The following PRR16 variants were observed in gnomAD, a reference collection of about 807,000 sequenced individuals.
The protein encoded by PRR16 is protein Largen.
PRR16 carries 6 observed loss-of-function variants against 18.2 expected under a neutral mutation model. The ratio of observed to expected loss-of-function variants is 0.33; its 90% CI spans 0.18 to 0.65. The LOEUF is 0.65. Ranked by LOEUF, PRR16 falls within the 30% of genes least tolerant of loss-of-function variation. The pLI, the probability that PRR16 is intolerant of heterozygous loss-of-function variation, is 0.74. For missense variants in PRR16, 412 were observed against 376.6 expected (o/e 1.09, Z -0.78); for synonymous variants, 151 against 147.8 (o/e 1.02, Z -0.16).
chr5:120,475,341 A>G (rs577161550), intron 1 of PRR16, among the ~76,000 whole-genome samples: 3 of 152,014 alleles, frequency 2.0e-5, no homozygotes, highest in African/African-American at 4.8e-5. Context: ...TTCATCCTCT[A>G]CCTTCTTTAA....
chr5:120,676,175 A>G (rs1756788735), intron 1 of PRR16, among the ~76,000 whole-genome samples: 1 of 152,124 alleles, frequency 6.6e-6, no homozygotes, highest in Non-Finnish European at 1.5e-5. Context: ...GCTTTGGAAT[A>G]TCCTTTCTTC....
intron 1 of PRR16, among the ~76,000 whole-genome samples, chr5:120,524,978 A>T (rs564501284): frequency 5.5e-4 from 84 of 152,224 alleles, no homozygotes; most frequent in Non-Finnish European, 9.3e-4. Flanking sequence ...TTTGTTAGTA[A>T]GGTCATATGG....
At chr5:120,493,969 C>T (rs1023742625) in intron 1 of PRR16, among the ~76,000 whole-genome samples, 1 of 152,016 alleles carries the variant, frequency 6.6e-6, no homozygotes, top group Non-Finnish European at 1.5e-5. Flanking sequence ...TGGTTTTGCA[C>T]TATTATTAAC....
chr5:120,709,270 G>A, the PRR16 span, among the ~76,000 whole-genome samples: 1 of 151,930 alleles, frequency 6.6e-6, no homozygotes, highest in Non-Finnish European at 1.5e-5. Flanking sequence ...GCCTCCCAAA[G>A]TACTAGGATT....
At chr5:120,628,684 T>G (rs2112834732) in intron 1 of PRR16, among the ~76,000 whole-genome samples, 1 of 147,626 alleles carries the variant, frequency 6.8e-6, no homozygotes, top group Non-Finnish European at 1.5e-5. Context: ...TCTATCTATC[T>G]ATCATTCTAC....
At chr5:120,676,822 A>G (rs1171269636) in intron 1 of PRR16, among the ~76,000 whole-genome samples, 2 of 152,134 alleles carry the variant, frequency 1.3e-5, no homozygotes, top group East Asian at 1.9e-4. Context: ...CCCTTTGGAA[A>G]AAAGCATTTA....
rs557873851 is a variant in PRR16 at position 120,665,156 on chromosome 5, G to C, written c.160-20798G>C. Among the ~76,000 whole-genome samples, 5 of 123,916 alleles carry C rather than the reference G, an allele frequency of 4.0e-5. No individual in the cohort carries two copies. In the East Asian group the frequency reaches 8.0e-4, roughly 20 times the overall value. 81.3% of individuals were successfully genotyped at this position (123,916 alleles called of 152,430 possible). Reference sequence around the variant, plus strand: ...TTTTTAATGATCTCCATTCTAACTGGTGTGAGATGGTATCTCATTGTGGTT... The same window carrying C: ...TTTTTAATGATCTCCATTCTAACTGCTGTGAGATGGTATCTCATTGTGGTT... On this transcript the variant is annotated intron_variant, in intron 1 of 1. Coordinates refer to ENST00000407149, the MANE Select transcript of PRR16 (RefSeq NM_001300783.2).
intron 1 of PRR16, 101 bp from the exon 2 acceptor site, chr5:120,685,853 T>C: frequency 9.0e-6 from 11 of 1,222,936 alleles, no homozygotes; most frequent in Non-Finnish European, 1.2e-5. Context: ...CAATATCAGT[T>C]AAGGCTTCCA....
At chr5:120,541,208 G>A (rs563048212) in intron 1 of PRR16, among the ~76,000 whole-genome samples, 7 of 152,170 alleles carry the variant, frequency 4.6e-5, no homozygotes, top group Non-Finnish European at 7.4e-5. Flanking sequence ...GAGCAGTAGC[G>A]CAATCTCGGC....
intron 1 of PRR16, among the ~76,000 whole-genome samples, chr5:120,520,273 T>C (rs1751130169): frequency 6.6e-6 from 1 of 152,068 alleles, no homozygotes; most frequent in Non-Finnish European, 1.5e-5. Context: ...CAGGCGCCTG[T>C]AATCCCAGCT....
intron 1 of PRR16, among the ~76,000 whole-genome samples, chr5:120,498,604 G>A (rs780302220): frequency 2.0e-5 from 3 of 150,828 alleles, no homozygotes; most frequent in Non-Finnish European, 3.0e-5. Flanking sequence ...CCGTATTTTT[G>A]TTTACTATGT....
At chr5:120,518,438 G>C (rs962129454) in intron 1 of PRR16, among the ~76,000 whole-genome samples, 1 of 152,040 alleles carries the variant, frequency 6.6e-6, no homozygotes, top group African/African-American at 2.4e-5. Flanking sequence ...GCTTCAATTT[G>C]GGTTCCAGGA....
At chr5:120,619,700 T>A (rs1754624609) in intron 1 of PRR16, among the ~76,000 whole-genome samples, 1 of 152,110 alleles carries the variant, frequency 6.6e-6, no homozygotes, top group Non-Finnish European at 1.5e-5. Context: ...GTAAAGCAGT[T>A]GTTTGATATC....
intron 1 of PRR16, among the ~76,000 whole-genome samples, chr5:120,668,529 G>A (rs569411825): frequency 2.0e-5 from 3 of 152,226 alleles, no homozygotes; most frequent in Admixed American, 6.5e-5. Context: ...CTCGTTAGTT[G>A]ATGGAGTTTC....
In PRR16 at chr5:120,473,581, G is replaced by A. The variant is rs75869988; in HGVS notation, c.159+8936G>A. ...AGAATGGTTCCTATGCATAAAGCAA[G>A]CATTGTATGTGTGTCTGTCATTAGT... On this transcript the variant is annotated intron_variant, in intron 1 of 1. Transcript: ENST00000407149. Among the ~76,000 whole-genome samples the A allele has an allele frequency of 1.8e-3, 274 of 152,264 alleles. 2 individuals carry two copies. In the East Asian group the frequency reaches 0.031, roughly 17 times the overall value.
chr5:120,634,224 A>T (rs1554090139), intron 1 of PRR16, among the ~76,000 whole-genome samples: 1 of 152,190 alleles, frequency 6.6e-6, no homozygotes, highest in Non-Finnish European at 1.5e-5. Context: ...AATTATTTGA[A>T]CTGAACGATA....
At chr5:120,646,583 G>C (rs1580826828) in intron 1 of PRR16, among the ~76,000 whole-genome samples, 2 of 152,110 alleles carry the variant, frequency 1.3e-5, no homozygotes, top group South Asian at 4.2e-4. Flanking sequence ...CCATTAAGGA[G>C]AATTAATATT....
At chr5:120,650,271 G>C (rs1561593853) in intron 1 of PRR16, among the ~76,000 whole-genome samples, 2 of 148,998 alleles carry the variant, frequency 1.3e-5, no homozygotes, top group Non-Finnish European at 3.0e-5. Context: ...GAAAGAATAA[G>C]AAATAAATCA....
chr5:120,628,865 T>G (rs931041100), intron 1 of PRR16, among the ~76,000 whole-genome samples: 9 of 152,050 alleles, frequency 5.9e-5, no homozygotes, highest in African/African-American at 2.2e-4. Context: ...CCTGAATATG[T>G]CACTTAAAGA....
Sources: gnomAD v4.1 joint callset for allele counts (sites outside exome capture counted in the v4.1 genomes callset) on GRCh38, gnomAD v4.1.1 for gene constraint, MANE v1.5 for transcripts, NCBI Gene and HGNC (gene_info 2026-07-23, HGNC 2026-07-21) for gene names.